The following COL23A1 variants were observed in gnomAD, a reference collection of about 807,000 sequenced individuals.
The protein encoded by COL23A1 is collagen alpha-1(XXIII) chain.
COL23A1 carries 97 observed loss-of-function variants against 99.3 expected under a neutral mutation model. The ratio of observed to expected loss-of-function variants is 0.98; its 90% confidence interval spans 0.83 to 1.16. The LOEUF is 1.16. Among genes scored for constraint, COL23A1 ranks in the 50% most tolerant of loss-of-function variants. The probability of loss-of-function intolerance (pLI) is 0.00; values close to 1 mark genes in which losing one functional copy is unlikely to be tolerated. For synonymous variants in COL23A1, 320 were observed against 308.2 expected (o/e 1.04, Z -0.40); for missense variants, 762 against 757.4 (o/e 1.01, Z -0.07).
chr5:178,256,839 C>T lies in COL23A1; in HGVS notation c.837+27G>A, dbSNP rs754642125. The T allele has an allele frequency of 4.9e-5, 78 of 1,605,928 alleles. No individual in the cohort carries two copies. In the Admixed American group the frequency reaches 1.1e-3, roughly 23 times the overall value. ...TGGAGGTCTGAGCGGGGCCCGCAGG[C>T]GCCAGAGCAGAGAGCTCTCATGTCA... On this transcript the variant is annotated intron_variant, in intron 14 of 28. Transcript: ENST00000390654.
At chr5:178,273,733 A>G (rs936281446) in intron 5 of COL23A1, among the ~76,000 whole-genome samples, 2 of 152,190 alleles carry the variant, frequency 1.3e-5, no homozygotes, top group Non-Finnish European at 2.9e-5. Flanking sequence ...AGCTGTCCCC[A>G]GGCCCCCGAG....
intron 1 of COL23A1, chr5:178,562,756 A>C (rs1302223562): frequency 7.7e-6 from 1 of 130,688 alleles, no homozygotes; most frequent in African/African-American, 3.5e-5. Flanking sequence ...GCGGGCTTTT[A>C]TTCCGTTATT....
At chr5:178,278,132 C>T (rs1456622209) in intron 5 of COL23A1, among the ~76,000 whole-genome samples, 1 of 152,214 alleles carries the variant, frequency 6.6e-6, no homozygotes, top group Non-Finnish European at 1.5e-5. Context: ...CACAGCGTGG[C>T]CAAACTCCAC....
intron 2 of COL23A1, among the ~76,000 whole-genome samples, chr5:178,551,620 C>A (rs1479339020): frequency 6.6e-6 from 1 of 152,172 alleles, no homozygotes; most frequent in African/African-American, 2.4e-5. Context: ...TGACCCAGTG[C>A]CTCTCACAGC....
chr5:178,350,945 A>C (rs1761288724), intron 2 of COL23A1: 1 of 152,230 alleles, frequency 6.6e-6, no homozygotes, highest in Admixed American at 6.5e-5. Context: ...CCAGGCCGGA[A>C]TCCTCCCAAC....
intron 17 of COL23A1, 35 bp from the exon 18 acceptor site, chr5:178,250,140 T>A: frequency 6.2e-7 from 1 of 1,613,334 alleles, no homozygotes; most frequent in Non-Finnish European, 8.5e-7. Context: ...GGGTTATGCC[T>A]TCCTTTCCTA....
chr5:178,281,932 A>G lies in COL23A1; in HGVS notation c.441+6392T>C, dbSNP rs1435418499. On this transcript the variant is annotated intron_variant, in intron 5 of 28. Coordinates refer to ENST00000390654, the MANE Select transcript of COL23A1 (RefSeq NM_173465.4). This position sits in a 1 kb window ranked among gnomAD's most constrained non-coding sequence, Gnocchi z 4.0. ...CCAGGCGTGGTGGTGCGTACCTGTAATCCTAGCTACTTGGGAGGCTGAGGC... is the reference window on the plus strand; with the variant it reads ...CCAGGCGTGGTGGTGCGTACCTGTAGTCCTAGCTACTTGGGAGGCTGAGGC... Among the ~76,000 whole-genome samples, 3 of 151,378 alleles carry G rather than the reference A, an allele frequency of 2.0e-5. 1 individual carries two copies. The Admixed American group carries it at 2.0e-4, about 10-fold the overall frequency.
At chr5:178,414,842 C>T (rs933184129) in intron 2 of COL23A1, among the ~76,000 whole-genome samples, 1 of 152,172 alleles carries the variant, frequency 6.6e-6, no homozygotes, top group African/African-American at 2.4e-5. Context: ...CCAGCTAAGG[C>T]AGCCACATCC....
Position 178,342,771 on chromosome 5 carries a change from G to T in COL23A1, c.362-35852C>A, listed in dbSNP as rs73807619. 3.7e-3 allele frequency among the ~76,000 whole-genome samples: 550 copies of T among 147,046 alleles called. 6 individuals carry two copies. The highest frequency in any genetic ancestry group is 0.013 in the African/African-American group (526 of 40,854). ...TAAACTCCACTTAAAACTGATTAAA[G>T]TCTCATTCTTGTCAAGAAAAAAAAA... On this transcript the variant is annotated intron_variant, in intron 2 of 28. Transcript: ENST00000390654.
chr5:178,475,287 A>T (rs887244632), intron 2 of COL23A1, among the ~76,000 whole-genome samples: 5 of 152,168 alleles, frequency 3.3e-5, no homozygotes, highest in Non-Finnish European at 7.3e-5. Context: ...TTTGAAAACA[A>T]AATTAAGTGG....
chr5:178,582,006 C>G (rs994268985), intron 1 of COL23A1, among the ~76,000 whole-genome samples: 2 of 151,958 alleles, frequency 1.3e-5, no homozygotes, highest in African/African-American at 2.4e-5. Flanking sequence ...ATTCATCATG[C>G]TAAATCAAGA....
intron 2 of COL23A1, among the ~76,000 whole-genome samples, chr5:178,475,690 C>A (rs1050438182): frequency 2.6e-5 from 4 of 152,176 alleles, no homozygotes. Flanking sequence ...CTCAGGGTCA[C>A]ACGAGGCTGA....
intron 2 of COL23A1, among the ~76,000 whole-genome samples, chr5:178,383,057 C>A (rs2127739587): frequency 6.6e-6 from 1 of 152,204 alleles, no homozygotes; most frequent in South Asian, 2.1e-4. Context: ...GTGATCAGGG[C>A]TGGGGGCTGC....
At chr5:178,267,394 G>C (rs376864860) in intron 7 of COL23A1, 61 bp from the exon 8 acceptor site, 1 of 1,563,120 alleles carries the variant, frequency 6.4e-7, no homozygotes, top group Non-Finnish European at 8.8e-7. Flanking sequence ...CACATTTCCC[G>C]TCGGGCATCT....
In COL23A1 at chr5:178,251,527, C is replaced by G. The variant is rs375108795; in HGVS notation, c.1014+1017G>C. Among the ~76,000 whole-genome samples the G allele has an allele frequency of 4.3e-4, 66 of 152,228 alleles. No individual in the cohort carries two copies. The South Asian group carries it at 0.014, about 32-fold the overall frequency. ...TGAATAAAAATAAAATTCAACTTAT[C>G]AAGGTTTGTAGGATGCAGCTAAAGC... On this transcript the variant is annotated intron_variant, in intron 17 of 28. Transcript: ENST00000390654.
chr5:178,248,308 C>T (rs1764826455), intron 19 of COL23A1, 54 bp from the exon 20 acceptor site: 6 of 1,385,496 alleles, frequency 4.3e-6, no homozygotes, highest in African/African-American at 1.4e-5. Context: ...TGTATCACCA[C>T]CCACGGTGCT....
At chr5:178,253,601 GC>G (rs970416201) in intron 16 of COL23A1, among the ~76,000 whole-genome samples, 1 of 151,796 alleles carries the variant, frequency 6.6e-6, no homozygotes, top group African/African-American at 2.4e-5. Context: ...TCCTGCCTCA[GC>G]CTCCCGAGTA....
Position 178,268,750 on chromosome 5 carries a change from G to A in COL23A1, c.475C>T (p.Pro159Ser). The A allele has an allele frequency of 6.2e-7, 1 of 1,603,852 alleles. No homozygotes were observed. The highest frequency in any genetic ancestry group is 8.5e-7 in the Non-Finnish European group (1 of 1,173,704). The change falls in exon 7 of 29, where the codon CCA becomes TCA. Residue 159 changes from proline to serine, a missense_variant. Coordinates refer to ENST00000390654, the MANE Select transcript of COL23A1 (RefSeq NM_173465.4). ...CTTACCTTTTCCCCTTTCGGGCCTGGAAGTCCCTGGAAAAGGAAAGTGGAG... is the reference window on the plus strand; with the variant it reads ...CTTACCTTTTCCCCTTTCGGGCCTGAAAGTCCCTGGAAAAGGAAAGTGGAG... Reference protein sequence around the residue: ...PLGLDGKPGLPGPKGEKGAPG... With the variant: ...PLGLDGKPGLSGPKGEKGAPG...
At chr5:178,463,229 A>C (rs58862667) in intron 2 of COL23A1, among the ~76,000 whole-genome samples, 3 of 152,258 alleles carry the variant, frequency 2.0e-5, no homozygotes, top group African/African-American at 7.2e-5. Context: ...GCTAGGTAAG[A>C]TGCAAGTAAA....
Sources: allele counts gnomAD v4.1 joint callset (sites outside exome capture counted in the v4.1 genomes callset), GRCh38; gene constraint gnomAD v4.1.1; non-coding constraint Gnocchi (gnomAD v3.1); transcripts MANE v1.5; gene names NCBI Gene and HGNC (gene_info 2026-07-23, HGNC 2026-07-21).